Variants in FRYL observed in about 807,000 individuals in gnomAD.
FRYL encodes the protein protein furry homolog-like.
A neutral mutation model predicts 351.2 loss-of-function variants in FRYL; 150 were observed. The ratio of observed to expected loss-of-function variants is 0.43; its 90% CI spans 0.37 to 0.49. FRYL has a LOEUF of 0.49. FRYL is among the 20% of genes least tolerant of loss of function. The probability of loss-of-function intolerance (pLI) is 0.00; values close to 1 mark genes in which losing one functional copy is unlikely to be tolerated. For synonymous variants in FRYL, 1,153 were observed against 1,257.1 expected (o/e 0.92, Z 1.75); for missense variants, 3,036 against 3,619.3 (o/e 0.84, Z 4.13).
intron 3 of FRYL, among the ~76,000 whole-genome samples, chr4:48,661,837 G>A (rs1330585877): frequency 1.3e-5 from 2 of 151,984 alleles, no homozygotes; most frequent in African/African-American, 2.4e-5. Flanking sequence ...TAAGTTCCAG[G>A]ATGTAAAGGA....
At chr4:48,690,383 C>T (rs1372082355) in intron 2 of FRYL, among the ~76,000 whole-genome samples, 7 of 151,800 alleles carry the variant, frequency 4.6e-5, no homozygotes, top group Non-Finnish European at 8.8e-5. Flanking sequence ...CTAGAATAAC[C>T]AACCCTAATG....
rs181436099 is a variant in FRYL, at chr4:48,620,619, G to A, written c.314+20C>T. 120 of 1,600,810 alleles carry A rather than the reference G, an allele frequency of 7.5e-5. No individual in the cohort carries two copies. In the East Asian group the frequency reaches 2.5e-3, roughly 33 times the overall value. The stretch of plus-strand genomic sequence containing the variant: ...AAGTGTGTTAATTCCAGGTGAAACA[G>A]TGTAAAATAAAGCACTTACCCCTTA... On this transcript the variant is annotated intron_variant, in intron 6 of 63. Transcript: ENST00000358350.
At chr4:48,668,188 T>A (rs1229810322) in intron 3 of FRYL, among the ~76,000 whole-genome samples, 1 of 152,184 alleles carries the variant, frequency 6.6e-6, no homozygotes, top group African/African-American at 2.4e-5. Flanking sequence ...GACAAAGACC[T>A]GTGGCCTGCA....
At chr4:48,701,525 A>G (rs940403265) in intron 2 of FRYL, among the ~76,000 whole-genome samples, 3 of 152,204 alleles carry the variant, frequency 2.0e-5, no homozygotes, top group African/African-American at 7.2e-5. Flanking sequence ...ACCTGTAAGG[A>G]TTTTTAAAAA....
chr4:48,525,483 A>T (rs1478879169), intron 53 of FRYL, among the ~76,000 whole-genome samples: 1 of 152,194 alleles, frequency 6.6e-6, no homozygotes, highest in African/African-American at 2.4e-5. Context: ...TTACTTCCTC[A>T]AACTGGTCTT....
intron 29 of FRYL, among the ~76,000 whole-genome samples, 175 bp downstream of exon 29, chr4:48,565,356 A>G (rs1460825048): frequency 2.0e-5 from 3 of 152,202 alleles, no homozygotes; most frequent in South Asian, 4.1e-4. Flanking sequence ...TAGATTCTGG[A>G]ACTGTTTTTC....
chr4:48,702,773 A>AAAAAAAAAAG (rs1553983293), intron 2 of FRYL, among the ~76,000 whole-genome samples: 3 of 139,280 alleles, frequency 2.2e-5, no homozygotes, highest in African/African-American at 5.3e-5. Flanking sequence ...AAAAAAAAAA[A>AAAAAAAAAAG]AAAGAAAAAG....
At chr4:48,742,973 A>ATTTTTTTTTTGTTTT (rs1772269050) in intron 1 of FRYL, among the ~76,000 whole-genome samples, 1 of 81,746 alleles carries the variant, frequency 1.2e-5, no homozygotes, top group Non-Finnish European at 2.3e-5. Context: ...CGCCTGGATA[A>ATTTTTTTTTTGTTTT]TTTTTTTTTT....
At chr4:48,502,915 TC>T (rs1195820004) in intron 60 of FRYL, 70 bp from the exon 61 acceptor site, 3 of 1,201,884 alleles carry the variant, frequency 2.5e-6, no homozygotes, top group African/African-American at 3.0e-5. Flanking sequence ...GTGTAAGAAA[TC>T]ATTTTAACTA....
rs1767889688 is a variant in FRYL, at chr4:48,710,554, G to A, written c.-239C>T. ...TGGTTGTTGAGGCACAGAGTTTGTA[G>A]AAAAGACACCAAGTTTGGAAAGGAT... On this transcript the variant is annotated 5_prime_UTR_variant, in exon 2 of 64. Transcript: ENST00000358350. 2.5e-6 allele frequency: 1 copy of A among 398,490 alleles called. No homozygotes were observed. The allele number at this position is 398,490 out of a possible 1,614,324, so 24.7% of individuals were successfully genotyped here.
intron 15 of FRYL, 141 bp downstream of exon 15, chr4:48,595,449 G>C (rs577840842): frequency 2.3e-4 from 114 of 494,556 alleles, no homozygotes; most frequent in African/African-American, 2.1e-3. Flanking sequence ...TTCTTTCCAA[G>C]TGTGTAGATT....
Position 48,540,678 on chromosome 4 carries a change from C to T in FRYL, c.5970G>A (p.Val1990=). ...AGTTGGTAGGCTCAGTAGTGGACTG[C>T]ACGTCATACATTCCTTTCTCTCTTA... The part of the protein sequence containing the change: ...SSLREKGMYD[V]QSTTEPTNLM... Residue 1990 remains valine (V), a synonymous_variant, in exon 46 of 64, where the codon GTG becomes GTA. Transcript: ENST00000358350. 1 of 1,613,946 alleles carries T rather than the reference C, an allele frequency of 6.2e-7. No homozygotes were observed. Among genetic ancestry groups the T allele is most frequent in the Non-Finnish European group, 8.5e-7 (1 of 1,179,894 alleles).
At chr4:48,544,047 A>G (rs1339308061) in intron 43 of FRYL, 50 bp from the exon 44 acceptor site, 1 of 1,495,092 alleles carries the variant, frequency 6.7e-7, no homozygotes, top group African/African-American at 1.4e-5. Flanking sequence ...TTAGAATACT[A>G]ATGGGGTTAT....
chr4:48,652,583 GA>G (rs557052602), intron 3 of FRYL, among the ~76,000 whole-genome samples: 35 of 152,208 alleles, frequency 2.3e-4, no homozygotes, highest in African/African-American at 7.9e-4. Context: ...ATTACTTATA[GA>G]TAAAAAATAA....
intron 7 of FRYL, among the ~76,000 whole-genome samples, chr4:48,612,135 T>G (rs1438196184): frequency 6.6e-6 from 1 of 152,214 alleles, no homozygotes; most frequent in Non-Finnish European, 1.5e-5. Flanking sequence ...CACAATTTTA[T>G]TGTTTCTAGA....
chr4:48,521,099 C>A lies in FRYL; in HGVS notation c.7638G>T (p.Glu2546Asp). Residue 2546 changes from glutamate to aspartate, a missense_variant, in exon 55 of 64, where the codon GAG becomes GAT. Glu to Asp is a conservative substitution (Grantham distance 45). This residue lies in a region of FRYL where 1,987 missense variants were observed against 2,311.7 expected (regional missense o/e 0.86). Transcript: ENST00000358350. ...TTEEVLQIRDETPTLEASLDN... is the reference protein window; with the variant it reads ...TTEEVLQIRDDTPTLEASLDN... ...CTAGAGAAGCCTCCAAAGTTGGGGTCTCATCCCTGATTTGAAGCACTTCCT... is the reference window on the plus strand; with the variant it reads ...CTAGAGAAGCCTCCAAAGTTGGGGTATCATCCCTGATTTGAAGCACTTCCT... 6.2e-7 allele frequency: 1 copy of A among 1,613,702 alleles called. No homozygotes were observed. The highest frequency in any genetic ancestry group is 8.5e-7 in the Non-Finnish European group (1 of 1,179,768).
Position 48,567,868 on chromosome 4 carries a change from G to T in FRYL, c.2997-448C>A, listed in dbSNP as rs910873604. ...TATTAGTCACTTAGTAACATTCTGG[G>T]ATAGGTATTATCAGGGATGCAAAAA... On this transcript the variant is annotated intron_variant, in intron 27 of 63. Coordinates refer to ENST00000358350, the MANE Select transcript of FRYL (RefSeq NM_015030.2). The surrounding 1 kb of genome is among the most constrained non-coding windows in gnomAD (Gnocchi z 4.2). Among the ~76,000 whole-genome samples the T allele has an allele frequency of 1.3e-5, 2 of 152,226 alleles. No homozygotes were observed. Among genetic ancestry groups the T allele is most frequent in the Non-Finnish European group, 2.9e-5 (2 of 68,042 alleles).
intron 40 of FRYL, among the ~76,000 whole-genome samples, chr4:48,548,313 A>G (rs888345287): frequency 6.6e-6 from 1 of 152,152 alleles, no homozygotes; most frequent in Non-Finnish European, 1.5e-5. Context: ...CCAACAACCC[A>G]GTTCTTTTGG....
chr4:48,669,846 T>G (rs1304087489), intron 3 of FRYL, among the ~76,000 whole-genome samples: 2 of 151,942 alleles, frequency 1.3e-5, no homozygotes, highest in Non-Finnish European at 2.9e-5. Flanking sequence ...TGTCCCAATT[T>G]TTAATAATAT....
Sources: gnomAD v4.1 joint callset for allele counts (sites outside exome capture counted in the v4.1 genomes callset) on GRCh38, gnomAD v4.1.1 for gene constraint, gnomAD v4.1.1 regional missense constraint, Gnocchi (gnomAD v3.1) non-coding constraint, MANE v1.5 for transcripts, NCBI Gene and HGNC (gene_info 2026-07-23, HGNC 2026-07-21) for gene names.